Variants in RORA observed in about 807,000 individuals in gnomAD.
The protein encoded by RORA is RAR related orphan receptor A.
Under a neutral mutation model 69.5 loss-of-function variants are expected in RORA, and 7 were observed. The ratio of observed to expected loss-of-function variants is 0.10; its 90% CI spans 0.06 to 0.19. The LOEUF (loss-of-function observed/expected upper bound fraction) is 0.19. Among genes scored for constraint, RORA ranks in the 10% least tolerant of loss-of-function variants. The pLI, the probability that RORA is intolerant of heterozygous loss-of-function variation, is 1.00. For missense variants in RORA, 457 were observed against 663.0 expected (o/e 0.69, Z 3.41); for synonymous variants, 261 against 240.8 (o/e 1.08, Z -0.78).
rs1294435361 is a variant in RORA, at chr15:60,534,403, T to C, written c.197-2552A>G. The stretch of plus-strand genomic sequence containing the variant: ...TGCAGGGGTTTTCAGATCTGGAGGA[T>C]ATTTGAGCGGAGACAGTCACGAGAT... On this transcript the variant is annotated intron_variant, in intron 2 of 10. Transcript: ENST00000335670. This position sits in a 1 kb window ranked among gnomAD's most constrained non-coding sequence, Gnocchi z 5.0. 2.0e-5 allele frequency among the ~76,000 whole-genome samples: 3 copies of C among 152,076 alleles called. No individual in the cohort carries two copies. Among genetic ancestry groups the C allele is most frequent in the Non-Finnish European group, 4.4e-5 (3 of 68,016 alleles).
chr15:60,962,256 C>T (rs559624854), intron 1 of RORA, among the ~76,000 whole-genome samples: 2 of 152,176 alleles, frequency 1.3e-5, no homozygotes, highest in South Asian at 2.1e-4. Flanking sequence ...TGGCACAGAC[C>T]GAGCGTAAGC....
chr15:60,629,137 G>A (rs1240683656), intron 2 of RORA, among the ~76,000 whole-genome samples: 3 of 148,724 alleles, frequency 2.0e-5, no homozygotes, highest in African/African-American at 5.0e-5. Context: ...ACAGCACTCC[G>A]ATTGTTTTCT....
chr15:60,730,545 CCTTCT>C (rs1567171718), intron 1 of RORA, among the ~76,000 whole-genome samples: 8 of 152,204 alleles, frequency 5.3e-5, no homozygotes, highest in African/African-American at 1.9e-4. Context: ...ATTCCTTAAT[CCTTCT>C]CTTCTCTTTT....
intron 1 of RORA, among the ~76,000 whole-genome samples, chr15:60,954,922 C>A (rs899396196): frequency 6.6e-6 from 1 of 152,198 alleles, no homozygotes; most frequent in South Asian, 2.1e-4. Context: ...TGACTCAATA[C>A]ATACTTACTG....
intron 2 of RORA, among the ~76,000 whole-genome samples, chr15:60,596,774 T>G (rs1457489600): frequency 6.6e-6 from 1 of 152,196 alleles, no homozygotes; most frequent in Non-Finnish European, 1.5e-5. Context: ...AAAATGAATA[T>G]AGATGTAGAT....
intron 1 of RORA, among the ~76,000 whole-genome samples, chr15:60,682,930 A>C (rs569071475): frequency 6.6e-6 from 1 of 152,210 alleles, no homozygotes; most frequent in Admixed American, 6.5e-5. Context: ...CCTGCGCCCA[A>C]AGTGAACACG....
intron 1 of RORA, among the ~76,000 whole-genome samples, chr15:60,722,550 A>G (rs1330749243): frequency 2.0e-5 from 3 of 152,242 alleles, no homozygotes; most frequent in Non-Finnish European, 4.4e-5. Context: ...CAGGCTGCTG[A>G]CACCAGCAGA....
At chr15:61,101,295 C>T (rs763332119) in intron 1 of RORA, among the ~76,000 whole-genome samples, 13 of 152,036 alleles carry the variant, frequency 8.6e-5, no homozygotes, top group Non-Finnish European at 1.9e-4. Flanking sequence ...AATGAATATC[C>T]AGTTGGAAAT....
In RORA at chr15:61,131,397, TTGCTGGAGCAAGG is replaced by T. The variant is rs199531377; in HGVS notation, c.166+97643_166+97655del. On this transcript the variant is annotated intron_variant, in intron 1 of 10. Coordinates refer to ENST00000335670, the MANE Select transcript of RORA (RefSeq NM_134261.3). The surrounding 1 kb of genome is among the most constrained non-coding windows in gnomAD (Gnocchi z 4.2). The stretch of plus-strand genomic sequence containing the variant: ...GACTTCTAGCAGATTTCAGCAGCAT[TTGCTGGAGCAAGG>T]TGACTCCAGCATTTCTCTAGAGGAC... 1.1e-4 allele frequency among the ~76,000 whole-genome samples: 17 copies of T among 152,356 alleles called. No homozygotes were observed. In the East Asian group the frequency reaches 3.3e-3, roughly 29 times the overall value.
intron 1 of RORA, among the ~76,000 whole-genome samples, chr15:60,757,028 G>T (rs1434486830): frequency 6.6e-6 from 1 of 152,000 alleles, no homozygotes; most frequent in Non-Finnish European, 1.5e-5. Context: ...CTAAAATGAC[G>T]CATACATTTT....
chr15:60,917,225 A>G (rs911817528), intron 1 of RORA, among the ~76,000 whole-genome samples: 6 of 152,194 alleles, frequency 3.9e-5, no homozygotes, highest in Admixed American at 2.6e-4. Context: ...GGTGCCTTCC[A>G]CATTGATCAG....
At chr15:60,593,143 G>A (rs1379128209) in intron 2 of RORA, 3 of 304,436 alleles carry the variant, frequency 9.9e-6, no homozygotes, top group Non-Finnish European at 2.0e-5. Context: ...CCTGGGCGGG[G>A]GAACTCCGCC....
chr15:60,766,814 C>T (rs925061154), intron 1 of RORA, among the ~76,000 whole-genome samples: 3 of 152,100 alleles, frequency 2.0e-5, no homozygotes, highest in Non-Finnish European at 4.4e-5. Flanking sequence ...CACTTGTTGG[C>T]TTGCTTTTCC....
chr15:60,850,865 A>C (rs1457933302), intron 1 of RORA, among the ~76,000 whole-genome samples: 1 of 152,230 alleles, frequency 6.6e-6, no homozygotes, highest in African/African-American at 2.4e-5. Flanking sequence ...AAAGACAAGG[A>C]TAAGGCCATT....
intron 1 of RORA, among the ~76,000 whole-genome samples, chr15:60,849,751 T>C (rs966872647): frequency 6.6e-6 from 1 of 152,208 alleles, no homozygotes; most frequent in African/African-American, 2.4e-5. Context: ...TCTCTGAATG[T>C]GGAGCTGGGA....
chr15:60,836,683 G>C lies in RORA; in HGVS notation c.167-157997C>G, dbSNP rs561490964. On this transcript the variant is annotated intron_variant, in intron 1 of 10. Transcript: ENST00000335670. ...TTCTTGCCTAACCTACTGTTTCCCA[G>C]GTTTTCCGTCTTAGCTGGAGACGCC... 1.3e-4 allele frequency among the ~76,000 whole-genome samples: 20 copies of C among 152,250 alleles called. No homozygotes were observed. The South Asian group carries it at 2.9e-3, about 22-fold the overall frequency.
At chr15:61,194,867 C>A (rs1249319173) in intron 1 of RORA, among the ~76,000 whole-genome samples, 1 of 151,764 alleles carries the variant, frequency 6.6e-6, no homozygotes, top group African/African-American at 2.4e-5. Context: ...TCTAAGCTGG[C>A]GTTTTCACCT....
intron 1 of RORA, among the ~76,000 whole-genome samples, chr15:60,731,210 G>T (rs984096401): frequency 6.6e-6 from 1 of 152,160 alleles, no homozygotes; most frequent in African/African-American, 2.4e-5. Context: ...ATTTAAGCAG[G>T]TGTGTCTAGA....
chr15:60,663,347 G>A (rs1392183871), intron 2 of RORA, among the ~76,000 whole-genome samples: 3 of 152,326 alleles, frequency 2.0e-5, no homozygotes. Context: ...TCTTCAATGT[G>A]AGATAGACCC....
Sources: allele counts gnomAD v4.1 joint callset (sites outside exome capture counted in the v4.1 genomes callset), GRCh38; gene constraint gnomAD v4.1.1; non-coding constraint Gnocchi (gnomAD v3.1); transcripts MANE v1.5; gene names NCBI Gene and HGNC (gene_info 2026-07-23, HGNC 2026-07-21).